The following RHBDD1 variants were observed in gnomAD, a reference collection of about 807,000 sequenced individuals.
RHBDD1 encodes the protein rhomboid domain containing 1, also known as rhomboid-related protein 4.
Under a neutral mutation model 36.3 loss-of-function variants are expected in RHBDD1, and 38 were observed. The ratio of observed to expected loss-of-function variants is 1.05; its 90% CI spans 0.81 to 1.37. The LOEUF is 1.37. RHBDD1 is among the 40% of genes most tolerant of loss of function. RHBDD1 has a pLI of 0.00. For missense variants in RHBDD1, 393 were observed against 377.6 expected, an observed-to-expected ratio of 1.04 and a Z score of -0.34; for synonymous variants, 151 against 136.5, an observed-to-expected ratio of 1.11 and a Z score of -0.74.
chr2:226,965,117 A>C (rs1952523323), intron 8 of RHBDD1, among the ~76,000 whole-genome samples: 1 of 152,162 alleles, frequency 6.6e-6, no homozygotes, highest in Non-Finnish European at 1.5e-5. Context: ...GGATCTCAAG[A>C]TGAGATCATC....
chr2:226,886,693 C>T (rs926597280), intron 5 of RHBDD1, among the ~76,000 whole-genome samples: 38 of 152,052 alleles, frequency 2.5e-4, no homozygotes, highest in Admixed American at 2.4e-3. Flanking sequence ...AAAGGCAAAA[C>T]AATAGTCATA....
At chr2:226,831,975 AAAAC>A (rs1464884513), upstream of RHBDD1, among the ~76,000 whole-genome samples, 22 of 151,580 alleles carry the variant, frequency 1.5e-4, no homozygotes, top group African/African-American at 5.3e-4. Flanking sequence ...TTTTTTCTAA[AAAAC>A]AAACTTTTGA....
At chr2:226,851,567 G>C (rs1457919612) in intron 3 of RHBDD1, among the ~76,000 whole-genome samples, 2 of 152,002 alleles carry the variant, frequency 1.3e-5, no homozygotes, top group Non-Finnish European at 2.9e-5. Context: ...TATCATCTTT[G>C]CTTTTTTTTA....
chr2:226,937,965 G>A (rs541781324), intron 8 of RHBDD1, among the ~76,000 whole-genome samples: 21 of 152,250 alleles, frequency 1.4e-4, no homozygotes, highest in Admixed American at 2.6e-4. Flanking sequence ...CCCAGTAATG[G>A]GATTGCTGGG....
At chr2:226,912,218 G>A (rs1262741751) in intron 7 of RHBDD1, among the ~76,000 whole-genome samples, 2 of 152,288 alleles carry the variant, frequency 1.3e-5, no homozygotes, top group East Asian at 3.9e-4. Flanking sequence ...GTGTTAGTGA[G>A]GATGTGGAGA....
At chr2:226,858,007 G>C (rs1052236108) in intron 3 of RHBDD1, among the ~76,000 whole-genome samples, 27 of 152,146 alleles carry the variant, frequency 1.8e-4, no homozygotes, top group Non-Finnish European at 2.9e-4. Flanking sequence ...GCTTGTGGGA[G>C]TTATTTATAT....
chr2:226,912,451 A>G (rs2125693000), intron 7 of RHBDD1, among the ~76,000 whole-genome samples: 1 of 152,318 alleles, frequency 6.6e-6, no homozygotes, highest in South Asian at 2.1e-4. Flanking sequence ...TAGAAATAAT[A>G]CAAATGTCTA....
At chr2:226,989,034 A>G (rs142039788) in intron 8 of RHBDD1, among the ~76,000 whole-genome samples, 14 of 152,380 alleles carry the variant, frequency 9.2e-5, no homozygotes, top group Non-Finnish European at 1.9e-4. Flanking sequence ...AGGTTTACAC[A>G]TGCTGATGTA....
At chr2:226,929,875 A>C (rs987629820) in intron 8 of RHBDD1, among the ~76,000 whole-genome samples, 3 of 152,070 alleles carry the variant, frequency 2.0e-5, no homozygotes, top group Non-Finnish European at 4.4e-5. Flanking sequence ...ATCAAATCCA[A>C]AACTCAACCC....
At chr2:226,845,111 T>C (rs1464801440) in intron 3 of RHBDD1, among the ~76,000 whole-genome samples, 1 of 152,192 alleles carries the variant, frequency 6.6e-6, no homozygotes, top group Non-Finnish European at 1.5e-5. Context: ...TTACATAAAG[T>C]TTATTTTAAT....
intron 8 of RHBDD1, among the ~76,000 whole-genome samples, chr2:226,926,093 C>A (rs1949651629): frequency 6.6e-6 from 1 of 151,970 alleles, no homozygotes; most frequent in South Asian, 2.1e-4. Context: ...AAAATAAGGG[C>A]CATTGGCCAG....
At chr2:226,825,283 G>A in the RHBDD1 span, among the ~76,000 whole-genome samples, 4 of 152,002 alleles carry the variant, frequency 2.6e-5, no homozygotes, top group Non-Finnish European at 5.9e-5. Context: ...TTAAAAAAAA[G>A]CAGAAGTGGC....
the RHBDD1 span, among the ~76,000 whole-genome samples, chr2:226,803,654 A>G: frequency 3.9e-5 from 6 of 152,246 alleles, no homozygotes; most frequent in Non-Finnish European, 8.8e-5. Flanking sequence ...AAATGAGATC[A>G]CATAACAACC....
intron 8 of RHBDD1, among the ~76,000 whole-genome samples, chr2:226,945,994 G>A (rs1036554150): frequency 1.3e-5 from 2 of 152,112 alleles, no homozygotes; most frequent in African/African-American, 4.8e-5. Flanking sequence ...ACTTTTTGAT[G>A]TGGTTGTTTT....
chr2:226,810,713 T>TCAG, the RHBDD1 span, among the ~76,000 whole-genome samples: 6 of 151,944 alleles, frequency 3.9e-5, no homozygotes, highest in Non-Finnish European at 8.8e-5. Context: ...TCTTGCTGTC[T>TCAG]CAGTGGAGGC....
chr2:226,841,728 G>A (rs1941655361), intron 3 of RHBDD1, among the ~76,000 whole-genome samples: 1 of 152,080 alleles, frequency 6.6e-6, no homozygotes, highest in African/African-American at 2.4e-5. Context: ...CCATGTTTTT[G>A]CTATTGTGAA....
intron 8 of RHBDD1, among the ~76,000 whole-genome samples, chr2:226,971,684 A>G (rs1463082670): frequency 6.6e-6 from 1 of 152,226 alleles, no homozygotes; most frequent in Non-Finnish European, 1.5e-5. Flanking sequence ...TTTCTTGACA[A>G]AATCAGAGAG....
chr2:226,920,717 C>G (rs1310987085), intron 8 of RHBDD1, among the ~76,000 whole-genome samples: 1 of 152,154 alleles, frequency 6.6e-6, no homozygotes, highest in Admixed American at 6.6e-5. Context: ...CCTTGCATCA[C>G]TGGGATAAAT....
the RHBDD1 span, among the ~76,000 whole-genome samples, chr2:226,824,259 A>T: frequency 2.6e-5 from 4 of 152,174 alleles, no homozygotes; most frequent in African/African-American, 4.8e-5. Flanking sequence ...TATTTTTGCA[A>T]CTTTTCTATA....
Sources: gnomAD v4.1 joint callset for allele counts (sites outside exome capture counted in the v4.1 genomes callset) on GRCh38, gnomAD v4.1.1 for gene constraint, MANE v1.5 for transcripts, NCBI Gene and HGNC (gene_info 2026-07-23, HGNC 2026-07-21) for gene names.